AGBL4: variants seen among roughly 807,000 people sequenced by gnomAD.
AGBL4 encodes the protein cytosolic carboxypeptidase 6.
Under a neutral mutation model 66.4 loss-of-function variants are expected in AGBL4, and 58 were observed. The ratio of observed to expected loss-of-function variants is 0.87; its 90% CI spans 0.71 to 1.09. AGBL4 has a LOEUF of 1.09. Among genes scored for constraint, AGBL4 ranks in the 50% least tolerant of loss-of-function variants. The pLI is 0.00. For missense variants in AGBL4, 579 were observed against 631.0 expected (o/e 0.92, Z 0.88); for synonymous variants, 234 against 222.9 (o/e 1.05, Z -0.44).
intron 3 of AGBL4, among the ~76,000 whole-genome samples, chr1:49,499,527 C>T (rs556289309): frequency 5.9e-5 from 9 of 151,834 alleles, no homozygotes; most frequent in South Asian, 2.1e-4. Context: ...CCAGCCTCCC[C>T]CCAAGTCCCC....
At chr1:49,636,675 G>T (rs1645678732) in intron 3 of AGBL4, among the ~76,000 whole-genome samples, 1 of 152,132 alleles carries the variant, frequency 6.6e-6, no homozygotes, top group Admixed American at 6.5e-5. Context: ...TAGAAAAATA[G>T]GTAATAAAAA....
At chr1:49,820,526 A>T (rs1645342621) in intron 2 of AGBL4, among the ~76,000 whole-genome samples, 1 of 152,148 alleles carries the variant, frequency 6.6e-6, no homozygotes, top group African/African-American at 2.4e-5. Context: ...TTACGGAGGA[A>T]TAAGATATGC....
At chr1:49,379,120 T>A (rs1323203529) in intron 3 of AGBL4, among the ~76,000 whole-genome samples, 1 of 152,018 alleles carries the variant, frequency 6.6e-6, no homozygotes, top group African/African-American at 2.4e-5. Context: ...GGGTCTAAAC[T>A]CAAGAGCATT....
chr1:49,345,682 G>A lies in AGBL4; in HGVS notation c.283-99818C>T, dbSNP rs2148511696. Among the ~76,000 whole-genome samples, 3 of 152,136 alleles carry A rather than the reference G, an allele frequency of 2.0e-5. No homozygotes were observed. In the Middle Eastern group the frequency reaches 0.01, roughly 517 times the overall value. On this transcript the variant is annotated intron_variant, in intron 3 of 13. Transcript: ENST00000371839. ...AAAACTTTTCTTTTGAGCTATTATA[G>A]CTTTTAACAATTGAGTAAAGTATAC...
At chr1:49,832,140 TC>T (rs1438401547) in intron 2 of AGBL4, among the ~76,000 whole-genome samples, 2 of 150,558 alleles carry the variant, frequency 1.3e-5, no homozygotes, top group Non-Finnish European at 3.0e-5. Context: ...ATGCTATCCC[TC>T]CCCCCTTCCC....
At chr1:49,452,322 A>C (rs1225489840) in intron 3 of AGBL4, among the ~76,000 whole-genome samples, 1 of 151,958 alleles carries the variant, frequency 6.6e-6, no homozygotes, top group Non-Finnish European at 1.5e-5. Flanking sequence ...TCAATGCTAG[A>C]GTGAATTGGA....
chr1:49,419,378 C>T (rs548806180), intron 3 of AGBL4, among the ~76,000 whole-genome samples: 3 of 152,268 alleles, frequency 2.0e-5, no homozygotes, highest in African/African-American at 7.2e-5. Flanking sequence ...ACATAGTTCA[C>T]ATTTTACAAC....
chr1:49,685,385 T>C (rs1646768565), intron 3 of AGBL4, among the ~76,000 whole-genome samples: 3 of 152,198 alleles, frequency 2.0e-5, no homozygotes, highest in South Asian at 4.2e-4. Flanking sequence ...GTCTTTATGG[T>C]AGAAGGATTT....
chr1:48,682,934 A>T (rs1397153589), intron 6 of AGBL4, among the ~76,000 whole-genome samples: 2 of 152,180 alleles, frequency 1.3e-5, no homozygotes, highest in Admixed American at 1.3e-4. Flanking sequence ...GAGAAAATAT[A>T]AAGTACTTTA....
chr1:48,947,726 G>C (rs1571071036), intron 5 of AGBL4, among the ~76,000 whole-genome samples: 1 of 152,272 alleles, frequency 6.6e-6, no homozygotes, highest in Middle Eastern at 3.4e-3. Context: ...ACTCTAGTCA[G>C]ACAAGCCAGT....
intron 3 of AGBL4, among the ~76,000 whole-genome samples, chr1:49,652,935 A>G (rs1646038742): frequency 6.6e-6 from 1 of 152,072 alleles, no homozygotes; most frequent in African/African-American, 2.4e-5. Flanking sequence ...ATTCTGCCCA[A>G]CTGCAGCACA....
At chr1:49,363,830 T>G (rs1412183145) in intron 3 of AGBL4, among the ~76,000 whole-genome samples, 1 of 152,232 alleles carries the variant, frequency 6.6e-6, no homozygotes, top group Non-Finnish European at 1.5e-5. Flanking sequence ...CACTCTGCTA[T>G]GTACTAGGGA....
chr1:48,584,974 C>A (rs1644796391), intron 11 of AGBL4: 1 of 152,204 alleles, frequency 6.6e-6, no homozygotes, highest in Non-Finnish European at 1.5e-5. Context: ...TTGTAATTAT[C>A]TCTTCCCTTT....
intron 5 of AGBL4, among the ~76,000 whole-genome samples, chr1:48,951,284 C>T (rs1178509629): frequency 6.6e-6 from 1 of 152,078 alleles, no homozygotes; most frequent in East Asian, 1.9e-4. Context: ...TCTTCTCTGG[C>T]GAGATTCTTA....
chr1:48,970,399 C>G (rs185323833), intron 5 of AGBL4, among the ~76,000 whole-genome samples: 41 of 152,234 alleles, frequency 2.7e-4, no homozygotes, highest in Admixed American at 1.6e-3. Context: ...CTACCCAGCA[C>G]CAGCCTGGAA....
At chr1:49,331,372 A>G (rs1373730902) in intron 3 of AGBL4, among the ~76,000 whole-genome samples, 21 of 152,164 alleles carry the variant, frequency 1.4e-4, no homozygotes, top group Non-Finnish European at 2.9e-5. Flanking sequence ...GACACAGGGT[A>G]GTGCCTGCCT....
intron 3 of AGBL4, among the ~76,000 whole-genome samples, chr1:49,343,549 A>G (rs1645582727): frequency 6.6e-6 from 1 of 152,194 alleles, no homozygotes; most frequent in African/African-American, 2.4e-5. Flanking sequence ...AAGACTTCCA[A>G]CCAGGATAAA....
intron 3 of AGBL4, among the ~76,000 whole-genome samples, chr1:49,555,253 A>G (rs1284185978): frequency 6.6e-6 from 1 of 151,044 alleles, no homozygotes; most frequent in Non-Finnish European, 1.5e-5. Context: ...GTGCATTGAC[A>G]ATCCTTTAGC....
chr1:48,705,222 G>C (rs2148510977), intron 6 of AGBL4, among the ~76,000 whole-genome samples: 1 of 151,902 alleles, frequency 6.6e-6, no homozygotes, highest in East Asian at 1.9e-4. Flanking sequence ...ATAAAAAACA[G>C]TTTATTAAAA....
Sources: allele counts gnomAD v4.1 joint callset (sites outside exome capture counted in the v4.1 genomes callset), GRCh38; gene constraint gnomAD v4.1.1; transcripts MANE v1.5; gene names NCBI Gene and HGNC (gene_info 2026-07-23, HGNC 2026-07-21).